The following HIP1 variants were observed in gnomAD, a reference collection of about 807,000 sequenced individuals.
HIP1 encodes huntingtin-interacting protein 1.
HIP1 carries 65 observed loss-of-function variants against 147.6 expected under a neutral mutation model. The ratio of observed to expected loss-of-function variants is 0.44; its 90% CI spans 0.36 to 0.54. The LOEUF (loss-of-function observed/expected upper bound fraction) is 0.54, where lower values mean the gene tolerates loss of function less well. Among genes scored for constraint, HIP1 ranks in the 20% least tolerant of loss-of-function variants. HIP1 has a pLI of 0.00. For synonymous variants in HIP1, 479 were observed against 504.0 expected (o/e 0.95, Z 0.67); for missense variants, 1,061 against 1,299.6 (o/e 0.82, Z 2.82).
chr7:75,590,222 C>A (rs1554500494), intron 4 of HIP1, among the ~76,000 whole-genome samples: 2 of 151,864 alleles, frequency 1.3e-5, no homozygotes, highest in African/African-American at 4.8e-5. Flanking sequence ...TAACCAAAAC[C>A]AAAATACATG....
rs1158834677 is a variant in HIP1, at chr7:75,663,928, A to ATG, written c.121-64683_121-64682dup. On this transcript the variant is annotated intron_variant, in intron 1 of 30. Coordinates refer to ENST00000336926, the MANE Select transcript of HIP1 (RefSeq NM_005338.7). Reference sequence around the variant, plus strand: ...ACAGCTACCTTCCATTATTTTATGTATGTGTGTATATATATATATACACAT... The same window carrying ATG: ...ACAGCTACCTTCCATTATTTTATGTATGTGTGTGTATATATATATATACACAT... Among the ~76,000 whole-genome samples the ATG allele has an allele frequency of 6.4e-4, 52 of 80,960 alleles. 10 individuals carry two copies. The highest frequency in any genetic ancestry group is 9.3e-3 in the Middle Eastern group (1 of 108). 53.1% of individuals were successfully genotyped at this position (80,960 alleles called of 152,430 possible).
At chr7:75,599,968 T>C (rs1796913054) in intron 1 of HIP1, among the ~76,000 whole-genome samples, 1 of 151,356 alleles carries the variant, frequency 6.6e-6, no homozygotes, top group Admixed American at 6.6e-5. Context: ...CCCGAGTAGC[T>C]GGGCCTACAG....
At chr7:75,540,458 A>G (rs1794263390) in intron 29 of HIP1, among the ~76,000 whole-genome samples, 1 of 151,186 alleles carries the variant, frequency 6.6e-6, no homozygotes, top group African/African-American at 2.4e-5. Context: ...AAAGAAGGAA[A>G]AATTAGCTGG....
At chr7:75,576,019 G>A (rs1795835121) in intron 7 of HIP1, among the ~76,000 whole-genome samples, 1 of 152,138 alleles carries the variant, frequency 6.6e-6, no homozygotes, top group Non-Finnish European at 1.5e-5. Context: ...AAGTCTACCG[G>A]CTTCCTCAGG....
rs1794139120 is a variant in HIP1, at chr7:75,537,682, C to A, written c.*490G>T. 2 of 237,878 alleles carry A rather than the reference C, an allele frequency of 8.4e-6. No individual in the cohort carries two copies. The highest frequency in any genetic ancestry group is 1.7e-4 in the South Asian group (1 of 6,006). 14.7% of individuals were successfully genotyped at this position (237,878 alleles called of 1,614,324 possible). A position where few individuals can be genotyped will look rare whatever the true frequency, so the allele number is the denominator to read the frequency against. On this transcript the variant is annotated 3_prime_UTR_variant, in exon 31 of 31. Transcript: ENST00000336926. ...TCAGGGTAGTGTCCTGGTTTGGAAT[C>A]CATCAGCCCTCTGATGCTCACAAGT...
intron 8 of HIP1, among the ~76,000 whole-genome samples, chr7:75,573,544 G>GA (rs1554497064): frequency 6.6e-6 from 1 of 152,200 alleles, no homozygotes; most frequent in Admixed American, 6.5e-5. Context: ...GTAACACTGG[G>GA]ACGCAAGAGT....
intron 1 of HIP1, among the ~76,000 whole-genome samples, chr7:75,601,792 C>T (rs1198831956): frequency 6.6e-6 from 1 of 152,122 alleles, no homozygotes; most frequent in South Asian, 2.1e-4. Flanking sequence ...TATTTACTAA[C>T]TGGCTCTTTG....
intron 1 of HIP1, among the ~76,000 whole-genome samples, chr7:75,632,203 C>T (rs1489334434): frequency 6.6e-6 from 1 of 152,144 alleles, no homozygotes; most frequent in Non-Finnish European, 1.5e-5. Context: ...ACTCTGTAAG[C>T]CTTTTCGACA....
chr7:75,553,617 T>C, intron 21 of HIP1, 28 bp from the exon 22 acceptor site: 2 of 1,604,772 alleles, frequency 1.2e-6, no homozygotes, highest in Non-Finnish European at 1.7e-6. Context: ...TAGACACTTT[T>C]TTTTTGAGAT....
At chr7:75,601,689 G>A (rs145283665) in intron 1 of HIP1, among the ~76,000 whole-genome samples, 188 of 152,044 alleles carry the variant, frequency 1.2e-3, no homozygotes, top group African/African-American at 4.3e-3. Flanking sequence ...ATGCATTTAC[G>A]TATTCATTTA....
intron 1 of HIP1, among the ~76,000 whole-genome samples, chr7:75,647,718 T>C (rs538124955): frequency 3.3e-5 from 5 of 152,360 alleles, no homozygotes; most frequent in Admixed American, 3.3e-4. Flanking sequence ...TGGCAGCAGC[T>C]GGTTGGTCTG....
intron 23 of HIP1, among the ~76,000 whole-genome samples, chr7:75,548,111 C>A (rs1236696548): frequency 6.6e-6 from 1 of 152,120 alleles, no homozygotes; most frequent in African/African-American, 2.4e-5. Context: ...TCACTGCAAC[C>A]TCCGCCTCCT....
rs199808077 is a variant in HIP1, at chr7:75,616,438, T to TA, written c.121-17192dup. Among the ~76,000 whole-genome samples, 597 of 152,142 alleles carry TA rather than the reference T, an allele frequency of 3.9e-3. 6 individuals are homozygous for TA. The highest frequency in any genetic ancestry group is 0.014 in the African/African-American group (575 of 41,514). On this transcript the variant is annotated intron_variant, in intron 1 of 30. Transcript: ENST00000336926. ...GTGCGCACCACCACGCCAGGCTAAT[T>TA]AAAAAATTTTTTTTTGTAGAGACCG...
intron 1 of HIP1, among the ~76,000 whole-genome samples, chr7:75,605,657 G>C (rs1304887360): frequency 2.0e-5 from 3 of 151,676 alleles, no homozygotes; most frequent in African/African-American, 4.8e-5. Flanking sequence ...CTCAGCCTCC[G>C]AAGTAGCTGG....
chr7:75,568,719 G>A lies in HIP1; in HGVS notation c.746-463C>T, dbSNP rs1554496018. On this transcript the variant is annotated intron_variant, in intron 8 of 30. Coordinates refer to ENST00000336926, the MANE Select transcript of HIP1 (RefSeq NM_005338.7). This position sits in a 1 kb window ranked among gnomAD's most constrained non-coding sequence, Gnocchi z 4.1. ...TGGCTGTCAGAAGGCAAAGAACAAG[G>A]GATTGAAGGCCAGGTGCAGTGGCTC... Among the ~76,000 whole-genome samples the A allele has an allele frequency of 6.6e-6, 1 of 152,118 alleles. No individual in the cohort carries two copies. Among genetic ancestry groups the A allele is most frequent in the African/African-American group, 2.4e-5 (1 of 41,452 alleles).
At chr7:75,721,725 T>C (rs140611023) in intron 1 of HIP1, among the ~76,000 whole-genome samples, 190 of 152,250 alleles carry the variant, frequency 1.2e-3, no homozygotes, top group African/African-American at 4.4e-3. Flanking sequence ...GTCTTCCTTA[T>C]TGGGTAAGTT....
intron 8 of HIP1, among the ~76,000 whole-genome samples, chr7:75,570,231 C>T (rs587713398): frequency 2.6e-5 from 4 of 151,200 alleles, no homozygotes; most frequent in South Asian, 4.2e-4. Flanking sequence ...CGTGCCCTGC[C>T]TTAAGTACGA....
At chr7:75,671,368 A>C (rs1554515286) in intron 1 of HIP1, among the ~76,000 whole-genome samples, 1 of 152,152 alleles carries the variant, frequency 6.6e-6, no homozygotes, top group East Asian at 1.9e-4. Flanking sequence ...TGCTGGGATT[A>C]CAGATGTGAA....
chr7:75,734,083 A>C (rs2117414257), intron 1 of HIP1, among the ~76,000 whole-genome samples: 1 of 151,994 alleles, frequency 6.6e-6, no homozygotes, highest in East Asian at 1.9e-4. Flanking sequence ...TGTCTCTACT[A>C]AAAATACAAA....
Sources: allele counts gnomAD v4.1 joint callset (sites outside exome capture counted in the v4.1 genomes callset), GRCh38; gene constraint gnomAD v4.1.1; non-coding constraint Gnocchi (gnomAD v3.1); transcripts MANE v1.5; gene names NCBI Gene and HGNC (gene_info 2026-07-23, HGNC 2026-07-21).